The following PCDHA9 variants were observed in gnomAD, a reference collection of about 807,000 sequenced individuals.
The protein encoded by PCDHA9 is protocadherin alpha 9.
In PCDHA9, 62 loss-of-function variants were observed where a neutral mutation model predicts 62.0. That is an observed-to-expected ratio of 1.00 (90% CI 0.81 to 1.23). PCDHA9 has a LOEUF of 1.23. Ranked by LOEUF, PCDHA9 falls within the 50% of genes most tolerant of loss-of-function variation. The pLI is 0.00. For synonymous variants in PCDHA9, 557 were observed against 567.6 expected (o/e 0.98, Z 0.27); for missense variants, 1,205 against 1,249.8 (o/e 0.96, Z 0.54).
At chr5:140,964,609 T>A (rs2095843840) in intron 1 of PCDHA9, among the ~76,000 whole-genome samples, 1 of 152,062 alleles carries the variant, frequency 6.6e-6, no homozygotes, top group Non-Finnish European at 1.5e-5. Context: ...AACTTACAAC[T>A]TGATTCCACT....
rs1554229126 is a variant in PCDHA9 at position 140,967,062 on chromosome 5, T to C, written c.2395-11887T>C. 3 of 1,612,916 alleles carry C rather than the reference T, an allele frequency of 1.9e-6. No individual in the cohort carries two copies. In the Admixed American group the frequency reaches 5.0e-5, roughly 27 times the overall value. ...GAGCTGGACCTGACGAGTGGAGCGC[T>C]CTTCGTCAACGAGCGCATTGATCGG... On this transcript the variant is annotated intron_variant, in intron 1 of 3. Transcript: ENST00000532602.
chr5:140,985,929 CG>C (rs2097179106), intron 3 of PCDHA9, among the ~76,000 whole-genome samples: 1 of 151,796 alleles, frequency 6.6e-6, no homozygotes, highest in Non-Finnish European at 1.5e-5. Flanking sequence ...TTAGTAGAGC[CG>C]GGGTTTCACT....
intron 1 of PCDHA9, chr5:140,969,456 A>G (rs963968770): frequency 4.0e-6 from 6 of 1,508,992 alleles, no homozygotes; most frequent in Admixed American, 2.2e-5. Flanking sequence ...CTGAGTATAT[A>G]TAGTATCCAC....
At chr5:140,986,899 C>G (rs2097217128) in intron 3 of PCDHA9, among the ~76,000 whole-genome samples, 1 of 152,072 alleles carries the variant, frequency 6.6e-6, no homozygotes, top group African/African-American at 2.4e-5. Flanking sequence ...AGGCCCTATC[C>G]TAGACTAATG....
At chr5:140,926,470 G>C (rs1244984672) in intron 1 of PCDHA9, 1 of 162,858 alleles carries the variant, frequency 6.1e-6, no homozygotes. Flanking sequence ...AGAAAACACC[G>C]TTTAAGGAGA....
At chr5:140,924,318 G>A (rs550515387) in intron 1 of PCDHA9, among the ~76,000 whole-genome samples, 1 of 152,164 alleles carries the variant, frequency 6.6e-6, no homozygotes, top group East Asian at 1.9e-4. Context: ...AATTTTATCT[G>A]AGACTTGGTG....
chr5:140,969,491 C>T (rs2096337176), intron 1 of PCDHA9: 8 of 1,449,294 alleles, frequency 5.5e-6, no homozygotes, highest in Non-Finnish European at 7.3e-6. Context: ...CTGCTATTTC[C>T]TCTCTAGAAA....
chr5:140,975,623 A>G (rs2096675265), intron 1 of PCDHA9, among the ~76,000 whole-genome samples: 1 of 152,244 alleles, frequency 6.6e-6, no homozygotes, highest in Admixed American at 6.5e-5. Flanking sequence ...ATGGATTTCC[A>G]TGGTACGAAG....
chr5:140,874,526 T>G (rs2054964457), intron 1 of PCDHA9, among the ~76,000 whole-genome samples: 1 of 152,242 alleles, frequency 6.6e-6, no homozygotes. Flanking sequence ...GTCAATGAGA[T>G]TAGGCTCCAA....
At position 141,010,080 on chromosome 5, in the gene PCDHA9, G is replaced by C. The variant is rs2098415967; in HGVS notation, c.*143G>C. On this transcript the variant is annotated 3_prime_UTR_variant, in exon 4 of 4. Transcript: ENST00000532602. The stretch of plus-strand genomic sequence containing the variant: ...AATCTGCAGAAAGTTCCCTGTGTCT[G>C]TCTAGAACGCATTTAACAGGTTTTG... 1 of 1,611,462 alleles carries C rather than the reference G, an allele frequency of 6.2e-7. No homozygotes were observed. The highest frequency in any genetic ancestry group is 1.1e-5 in the South Asian group (1 of 90,590).
chr5:140,961,938 C>T (rs1443851298), intron 1 of PCDHA9, among the ~76,000 whole-genome samples: 3 of 151,024 alleles, frequency 2.0e-5, no homozygotes, highest in African/African-American at 7.3e-5. Flanking sequence ...GGCTGGAGTG[C>T]AGTGGCATGA....
intron 1 of PCDHA9, chr5:140,871,257 G>T (rs374337862): frequency 6.8e-6 from 11 of 1,613,808 alleles, no homozygotes; most frequent in Admixed American, 1.7e-5. Flanking sequence ...TGCTGTATAC[G>T]GCGCTGTGGT....
intron 3 of PCDHA9, among the ~76,000 whole-genome samples, chr5:140,991,619 A>G (rs1554252338): frequency 1.3e-5 from 2 of 152,206 alleles, no homozygotes; most frequent in African/African-American, 4.8e-5. Context: ...CTTTAATGCC[A>G]TATTTGTAAT....
In PCDHA9 at chr5:140,858,669, A is replaced by G; in HGVS notation, c.2394+7780A>G. The G allele has an allele frequency of 4.4e-6, 3 of 676,742 alleles. 1 individual carries two copies. Among genetic ancestry groups the G allele is most frequent in the Non-Finnish European group, 7.2e-6 (3 of 415,418 alleles). 41.9% of individuals were successfully genotyped at this position (676,742 alleles called of 1,614,324 possible). On this transcript the variant is annotated intron_variant, in intron 1 of 3. Coordinates refer to ENST00000532602, the MANE Select transcript of PCDHA9 (RefSeq NM_031857.2). ...CTTAAATTTTTTTAAATAACAATTT[A>G]TTCTGAATACACTAATATTTTCCAA...
At chr5:140,850,939 G>T in intron 1 of PCDHA9, 50 bp downstream of exon 1, 1 of 1,506,026 alleles carries the variant, frequency 6.6e-7, no homozygotes, top group Non-Finnish European at 8.9e-7. Context: ...TTTCTTGAAA[G>T]ATATTATCGA....
At chr5:140,864,034 T>C (rs2048289814) in intron 1 of PCDHA9, 1 of 153,038 alleles carries the variant, frequency 6.5e-6, no homozygotes, top group African/African-American at 2.4e-5. Flanking sequence ...CTAGCCATCT[T>C]AATCACTTTT....
intron 1 of PCDHA9, among the ~76,000 whole-genome samples, chr5:140,930,604 G>C (rs2086982661): frequency 6.6e-6 from 1 of 152,108 alleles, no homozygotes; most frequent in South Asian, 2.1e-4. Flanking sequence ...AGAAATCCTA[G>C]ATGCAAGAGA....
In PCDHA9 at chr5:140,937,039, C is replaced by CTT. The variant is rs34994034; in HGVS notation, c.2395-41895_2395-41894dup. On this transcript the variant is annotated intron_variant, in intron 1 of 3. Coordinates refer to ENST00000532602, the MANE Select transcript of PCDHA9 (RefSeq NM_031857.2). ...TAACAAGGTATATTCTTCCATTTATCTTTTTTTTTTTTTTTTGAGACGGAG... is the reference window on the plus strand; with the variant it reads ...TAACAAGGTATATTCTTCCATTTATCTTTTTTTTTTTTTTTTTTGAGACGGAG... 3.4e-3 allele frequency among the ~76,000 whole-genome samples: 476 copies of CTT among 140,122 alleles called. 6 individuals carry two copies. The highest frequency in any genetic ancestry group is 0.011 in the South Asian group (47 of 4,432). 91.9% of individuals were successfully genotyped at this position (140,122 alleles called of 152,430 possible).
chr5:140,952,658 C>T (rs2094779074), intron 1 of PCDHA9, among the ~76,000 whole-genome samples: 1 of 152,196 alleles, frequency 6.6e-6, no homozygotes. Flanking sequence ...TACCCAGTTC[C>T]AAAGTCACTT....
Sources: allele counts gnomAD v4.1 joint callset (sites outside exome capture counted in the v4.1 genomes callset), GRCh38; gene constraint gnomAD v4.1.1; transcripts MANE v1.5; gene names NCBI Gene and HGNC (gene_info 2026-07-23, HGNC 2026-07-21).